The following PAPOLA variants were observed in gnomAD, a reference collection of about 807,000 sequenced individuals.
PAPOLA encodes polynucleotide adenylyltransferase alpha.
Under a neutral mutation model 100.6 loss-of-function variants are expected in PAPOLA, and 15 were observed. The ratio of observed to expected loss-of-function variants is 0.15; its 90% CI spans 0.10 to 0.23. The LOEUF is 0.23. Among genes scored for constraint, PAPOLA ranks in the 10% least tolerant of loss-of-function variants. The pLI is 1.00. For synonymous variants in PAPOLA, 293 were observed against 300.0 expected (o/e 0.98, Z 0.24); for missense variants, 533 against 884.2 (o/e 0.60, Z 5.04).
rs1299378216 is a variant in PAPOLA, at chr14:96,566,419, CT to C, written c.*1372del. On this transcript the variant is annotated 3_prime_UTR_variant, in exon 22 of 22. Coordinates refer to ENST00000216277, the MANE Select transcript of PAPOLA (RefSeq NM_032632.5). ...GATGCCAGATGTTGATAAACTTACTCTTTCTGAATCTGGACAAAGTCGACTT... is the reference window on the plus strand; with the variant it reads ...GATGCCAGATGTTGATAAACTTACTCTTCTGAATCTGGACAAAGTCGACTT... The C allele has an allele frequency of 6.5e-6, 1 of 152,692 alleles. No homozygotes were observed. Among genetic ancestry groups the C allele is most frequent in the Non-Finnish European group, 1.5e-5 (1 of 68,094 alleles). The allele number at this position is 152,692 out of a possible 1,614,324, so 9.5% of individuals were successfully genotyped here. A position where few individuals can be genotyped will look rare whatever the true frequency, so the allele number is the denominator to read the frequency against.
intron 16 of PAPOLA, among the ~76,000 whole-genome samples, chr14:96,548,997 C>T (rs1900616098): frequency 6.6e-6 from 1 of 152,166 alleles, no homozygotes; most frequent in South Asian, 2.1e-4. Context: ...TGGCAAACAT[C>T]TTATTCTTGA....
At chr14:96,521,099 T>G in intron 3 of PAPOLA, 27 bp downstream of exon 3, 1 of 1,051,236 alleles carries the variant, frequency 9.5e-7, no homozygotes, top group Non-Finnish European at 1.5e-6. Flanking sequence ...GTATATGAAA[T>G]AATTTCATAT....
chr14:96,532,707 A>C, intron 9 of PAPOLA, 58 bp downstream of exon 9: 2 of 1,494,328 alleles, frequency 1.3e-6, no homozygotes, highest in East Asian at 2.4e-5. Flanking sequence ...GTTTAGTCTT[A>C]TTTCTATGAC....
intron 1 of PAPOLA, among the ~76,000 whole-genome samples, chr14:96,518,774 T>C (rs1243690053): frequency 6.6e-6 from 1 of 151,724 alleles, no homozygotes; most frequent in African/African-American, 2.4e-5. Flanking sequence ...AAAGTAGCTG[T>C]GGTTGGGCAT....
chr14:96,537,287 TA>T, intron 12 of PAPOLA: 2 of 516,042 alleles, frequency 3.9e-6, no homozygotes. Context: ...GCTACATTTG[TA>T]GCAACATAAG....
chr14:96,515,672 G>A (rs907570788), intron 1 of PAPOLA, among the ~76,000 whole-genome samples: 1 of 152,166 alleles, frequency 6.6e-6, no homozygotes, highest in Non-Finnish European at 1.5e-5. Flanking sequence ...TTGGTGAGAC[G>A]AAAATGGACC....
chr14:96,565,043 A>G lies in PAPOLA; in HGVS notation c.2231A>G (p.Asn744Ser). 1 of 1,546,368 alleles carries G rather than the reference A, an allele frequency of 6.5e-7. No homozygotes were observed. Among genetic ancestry groups the G allele is most frequent in the Middle Eastern group, 1.7e-4 (1 of 5,930 alleles). Residue 744 changes from asparagine to serine, a missense_variant, in exon 22 of 22, where the codon AAT becomes AGT. Physicochemically the swap from Asn to Ser is conservative, Grantham distance 46. Around this residue, in one of 9 missense-constraint regions of PAPOLA, gnomAD observed 242 missense variants for 281.0 expected, o/e 0.86. Transcript: ENST00000216277. ...AAGAATTCAATAAAACTGAGATTGA[A>G]TCGGTAAAAACAACCTCAGGGGTCC... ...VIKNSIKLRL[N>S]R
intron 1 of PAPOLA, among the ~76,000 whole-genome samples, chr14:96,505,666 T>C (rs1896660541): frequency 6.6e-6 from 1 of 152,180 alleles, no homozygotes; most frequent in Non-Finnish European, 1.5e-5. Context: ...GGATGGTCTG[T>C]GCTTCCCAGA....
chr14:96,534,925 T>C (rs1899387616), intron 10 of PAPOLA: 2 of 1,003,330 alleles, frequency 2.0e-6, no homozygotes, highest in South Asian at 4.5e-5. Flanking sequence ...AGTATTATGC[T>C]AAAGTTGGGT....
At chr14:96,555,792 T>G in intron 17 of PAPOLA, 55 bp from the exon 18 acceptor site, 1 of 890,646 alleles carries the variant, frequency 1.1e-6, no homozygotes, top group Non-Finnish European at 1.7e-6. Context: ...TGTAATTTTT[T>G]TTTTATTTTT....
intron 16 of PAPOLA, 63 bp from the exon 17 acceptor site, chr14:96,552,417 T>G: frequency 7.0e-7 from 1 of 1,422,340 alleles, no homozygotes; most frequent in South Asian, 1.2e-5. Flanking sequence ...AGTAAAAGGT[T>G]TCCATGTTTC....
intron 20 of PAPOLA, chr14:96,562,540 G>T: frequency 4.5e-6 from 1 of 221,730 alleles, no homozygotes; most frequent in Non-Finnish European, 8.9e-6. Context: ...ATTATTGTTT[G>T]CTTAAAATGT....
rs144198084 is a variant in PAPOLA at position 96,565,541 on chromosome 14, G to C, written c.*491G>C. On this transcript the variant is annotated 3_prime_UTR_variant, in exon 22 of 22. Transcript: ENST00000216277. ...TCAAATTGGATACTGTTGTGCAGTG[G>C]TGTACTGTTATACTTCAGAGAAAGG... The C allele has an allele frequency of 5.0e-6, 2 of 400,198 alleles. No individual in the cohort carries two copies. The highest frequency in any genetic ancestry group is 8.3e-5 in the Admixed American group (2 of 24,076). The allele number at this position is 400,198 out of a possible 1,614,324, so 24.8% of individuals were successfully genotyped here. A position where few individuals can be genotyped will look rare whatever the true frequency, so the allele number is the denominator to read the frequency against.
chr14:96,530,034 T>C (rs1898858718), intron 6 of PAPOLA, among the ~76,000 whole-genome samples: 1 of 152,210 alleles, frequency 6.6e-6, no homozygotes, highest in African/African-American at 2.4e-5. Flanking sequence ...ATGGAATCTC[T>C]TTATTGAGAA....
At chr14:96,513,240 T>TA (rs1179925372) in intron 1 of PAPOLA, among the ~76,000 whole-genome samples, 2 of 152,082 alleles carry the variant, frequency 1.3e-5, no homozygotes, top group Non-Finnish European at 1.5e-5. Flanking sequence ...GGCTAATTTT[T>TA]AAACTTTTTG....
Position 96,547,837 on chromosome 14 carries a change from T to C in PAPOLA, c.1440T>C (p.Asp480=), listed in dbSNP as rs1414443254. The change falls in exon 16 of 22, where the codon GAT becomes GAC. Residue 480 remains aspartate, a synonymous_variant. Transcript: ENST00000216277. The part of the protein sequence containing the change: ...QAINSKMFEV[D]MKIAAMHVKR... ...TAAACAGCAAGATGTTTGAGGTGGA[T>C]ATGAAAATTGCTGCAATGCATGTAA... is the stretch of plus-strand genomic sequence containing the variant. 1 of 1,611,036 alleles carries C rather than the reference T, an allele frequency of 6.2e-7. No individual in the cohort carries two copies. Among genetic ancestry groups the C allele is most frequent in the Non-Finnish European group, 8.5e-7 (1 of 1,177,732 alleles).
At position 96,520,851 on chromosome 14, in the gene PAPOLA, CGAGA is replaced by C. The variant is rs903398664; in HGVS notation, c.183-147_183-144del. On this transcript the variant is annotated intron_variant, in intron 2 of 21. Coordinates refer to ENST00000216277, the MANE Select transcript of PAPOLA (RefSeq NM_032632.5). The stretch of plus-strand genomic sequence containing the variant: ...TATAGAAAGAGAGAGAGAGAGAAAG[CGAGA>C]GAGAGAGCGAGCGAGCGTGCACTAA... The C allele has an allele frequency of 1.6e-5, 9 of 547,720 alleles. 1 individual carries two copies. The highest frequency in any genetic ancestry group is 2.4e-5 in the Non-Finnish European group (7 of 297,446). The allele number at this position is 547,720 out of a possible 1,614,324, so 33.9% of individuals were successfully genotyped here. A position where few individuals can be genotyped will look rare whatever the true frequency, so the allele number is the denominator to read the frequency against.
intron 7 of PAPOLA, chr14:96,531,908 A>G: frequency 1.6e-5 from 22 of 1,341,154 alleles, no homozygotes; most frequent in Non-Finnish European, 1.9e-5. Context: ...ATTCTTTAGT[A>G]ATGCTTTCAG....
At chr14:96,507,191 C>G (rs1011923177) in intron 1 of PAPOLA, among the ~76,000 whole-genome samples, 1 of 151,942 alleles carries the variant, frequency 6.6e-6, no homozygotes, top group Non-Finnish European at 1.5e-5. Flanking sequence ...CTATGAGAAT[C>G]CAGCCATCTT....
Sources: gnomAD v4.1 joint callset for allele counts (sites outside exome capture counted in the v4.1 genomes callset) on GRCh38, gnomAD v4.1.1 for gene constraint, gnomAD v4.1.1 regional missense constraint, MANE v1.5 for transcripts, NCBI Gene and HGNC (gene_info 2026-07-23, HGNC 2026-07-21) for gene names.